The following SLC22A25 variants were observed in gnomAD, a reference collection of about 807,000 sequenced individuals.
SLC22A25 encodes the protein MGI:2442751, MGI:2385316, MGI:3042283, MGI:3645714, MGI:3605624, MGI:2442750.
In SLC22A25, 44 loss-of-function variants were observed where a neutral mutation model predicts 45.9. That is an observed-to-expected ratio of 0.96 (90% CI 0.75 to 1.23). The LOEUF (loss-of-function observed/expected upper bound fraction) is 1.23, where lower values mean the gene tolerates loss of function less well. SLC22A25 is among the 50% of genes most tolerant of loss of function. SLC22A25 has a pLI of 0.00. For missense variants in SLC22A25, 800 were observed against 666.4 expected, an observed-to-expected ratio of 1.20 and a Z score of -2.21; for synonymous variants, 283 against 238.6, an observed-to-expected ratio of 1.19 and a Z score of -1.72.
Position 63,159,453 on chromosome 11 carries a change from G to GTTTCCCTGCAGAAATTCTCT in SLC22A25, c.*4351_*4370dup, listed in dbSNP as rs2087518162. The stretch of plus-strand genomic sequence containing the variant: ...AGATCTGAGGGTTTTATAAGGGGGA[G>GTTTCCCTGCAGAAATTCTCT]TTTCCCTGCAGAAATTCTCTTTTCC... On this transcript the variant is annotated 3_prime_UTR_variant, in exon 12 of 12. Coordinates refer to ENST00000306494, the MANE Select transcript of SLC22A25 (RefSeq NM_199352.6). Among the ~76,000 whole-genome samples the GTTTCCCTGCAGAAATTCTCT allele has an allele frequency of 6.6e-6, 1 of 152,078 alleles. No homozygotes were observed. The highest frequency in any genetic ancestry group is 1.5e-5 in the Non-Finnish European group (1 of 68,030).
chr11:63,229,004 T>C (rs181090339), intron 4 of SLC22A25, among the ~76,000 whole-genome samples: 1 of 152,244 alleles, frequency 6.6e-6, no homozygotes, highest in Admixed American at 6.5e-5. Context: ...TATTCATAAA[T>C]GCTTGCTTAA....
intron 8 of SLC22A25, among the ~76,000 whole-genome samples, chr11:63,182,240 AG>A (rs1167979574): frequency 2.0e-5 from 3 of 152,132 alleles, no homozygotes; most frequent in Non-Finnish European, 4.4e-5. Flanking sequence ...CTGGGTGCTG[AG>A]GGGACAGTCA....
intron 9 of SLC22A25, among the ~76,000 whole-genome samples, chr11:63,173,348 ATGTT>A (rs2087961519): frequency 6.6e-6 from 1 of 152,216 alleles, no homozygotes. Flanking sequence ...ACAAACCTGT[ATGTT>A]CTGCACATGT....
rs1382519595 is a variant in SLC22A25, at chr11:63,217,418, A to G, written c.726T>C (p.Ser242=). 6.2e-7 allele frequency: 1 copy of G among 1,614,088 alleles called. No homozygotes were observed. The highest frequency in any genetic ancestry group is 8.5e-7 in the Non-Finnish European group (1 of 1,180,006). ...GGCTTCCCAGGGTTATATGTCCAAT[A>G]CTAGCAGCACAAAGTGTCAATGTCA... ...MALTLTLCAA[S]IGHITLGSLA... Residue 242 remains serine (S), a synonymous_variant, in exon 7 of 12, where the codon AGT becomes AGC. Transcript: ENST00000306494.
chr11:63,195,948 A>C (rs2089010924), intron 7 of SLC22A25, among the ~76,000 whole-genome samples: 1 of 152,204 alleles, frequency 6.6e-6, no homozygotes, highest in Admixed American at 6.5e-5. Flanking sequence ...AGAAATACAA[A>C]CTACCATCAG....
At chr11:63,217,016 T>A (rs1420007382) in intron 7 of SLC22A25, among the ~76,000 whole-genome samples, 1 of 152,220 alleles carries the variant, frequency 6.6e-6, no homozygotes, top group Admixed American at 6.5e-5. Context: ...ATACTGAATA[T>A]TTGGGTGAAA....
chr11:63,181,381 A>T, intron 8 of SLC22A25, among the ~76,000 whole-genome samples: 1 of 146,806 alleles, frequency 6.8e-6, no homozygotes, highest in Non-Finnish European at 1.5e-5. Context: ...TCCTAATGCT[A>T]TCCTTCCCCC....
At chr11:63,206,996 T>C (rs528806124) in intron 7 of SLC22A25, among the ~76,000 whole-genome samples, 1 of 152,158 alleles carries the variant, frequency 6.6e-6, no homozygotes, top group Non-Finnish European at 1.5e-5. Flanking sequence ...AACCATCTGA[T>C]CTTTGATAAA....
chr11:63,234,428 A>C (rs2090127349), intron 3 of SLC22A25, among the ~76,000 whole-genome samples: 1 of 152,044 alleles, frequency 6.6e-6, no homozygotes, highest in African/African-American at 2.4e-5. Flanking sequence ...TGTTGGTTTA[A>C]AGTCTGTTTT....
chr11:63,240,530 C>A (rs1328882306), intron 1 of SLC22A25, among the ~76,000 whole-genome samples: 1 of 152,056 alleles, frequency 6.6e-6, no homozygotes, highest in African/African-American at 2.4e-5. Flanking sequence ...ACTTTATAAA[C>A]TTTTTAGTTT....
rs149030775 is a variant in SLC22A25 at position 63,231,403 on chromosome 11, G to A, written c.-444-1307C>T. On this transcript the variant is annotated intron_variant, in intron 3 of 11. Transcript: ENST00000306494. ...GATTTGCATTTCTCTGATGGCCAGT[G>A]GTGATGAGCATTTTTTCATGTGTCT... Among the ~76,000 whole-genome samples the A allele has an allele frequency of 6.0e-3, 918 of 152,290 alleles. 12 individuals carry two copies. The highest frequency in any genetic ancestry group is 0.02 in the African/African-American group (839 of 41,552).
At chr11:63,200,002 A>G (rs1432973329) in intron 7 of SLC22A25, among the ~76,000 whole-genome samples, 1 of 151,944 alleles carries the variant, frequency 6.6e-6, no homozygotes, top group Non-Finnish European at 1.5e-5. Context: ...TGGACAAGTG[A>G]GTTTGTTTCT....
chr11:63,227,307 C>T (rs1157109340), intron 5 of SLC22A25, among the ~76,000 whole-genome samples: 2 of 152,106 alleles, frequency 1.3e-5, no homozygotes, highest in Non-Finnish European at 2.9e-5. Flanking sequence ...ACATGTATTA[C>T]CTGGTTACCA....
At chr11:63,202,934 T>C (rs772548472) in intron 7 of SLC22A25, among the ~76,000 whole-genome samples, 42 of 152,200 alleles carry the variant, frequency 2.8e-4, no homozygotes, top group Admixed American at 5.9e-4. Flanking sequence ...CAGGTGCCCC[T>C]CTGGGATGAA....
chr11:63,233,041 T>C (rs1050078584), intron 3 of SLC22A25, among the ~76,000 whole-genome samples: 1 of 152,140 alleles, frequency 6.6e-6, no homozygotes, highest in Non-Finnish European at 1.5e-5. Flanking sequence ...TTTGCCAGTA[T>C]TTTATTGAGG....
At chr11:63,208,515 G>A (rs11822690) in intron 7 of SLC22A25, among the ~76,000 whole-genome samples, 18,686 of 152,142 alleles carry the variant, frequency 0.12, 2,122 homozygotes, top group African/African-American at 0.3. Context: ...CCCGGGACAC[G>A]AGAGAGGCTC....
At chr11:63,210,310 C>G (rs1217743835) in intron 7 of SLC22A25, among the ~76,000 whole-genome samples, 1 of 152,116 alleles carries the variant, frequency 6.6e-6, no homozygotes, top group African/African-American at 2.4e-5. Context: ...GAAATAGAAA[C>G]AAAGAGACAG....
chr11:63,186,432 T>C (rs917637730), intron 7 of SLC22A25, among the ~76,000 whole-genome samples: 2 of 151,276 alleles, frequency 1.3e-5, no homozygotes, highest in Non-Finnish European at 3.0e-5. Context: ...TCATTGTAGA[T>C]TCTGGATATT....
chr11:63,226,489 A>G (rs2089964431), intron 5 of SLC22A25, among the ~76,000 whole-genome samples: 3 of 152,166 alleles, frequency 2.0e-5, no homozygotes, highest in African/African-American at 4.8e-5. Flanking sequence ...TTTTCTCCCA[A>G]ACAAATGGAG....
Sources: gnomAD v4.1 joint callset for allele counts (sites outside exome capture counted in the v4.1 genomes callset) on GRCh38, gnomAD v4.1.1 for gene constraint, MANE v1.5 for transcripts, NCBI Gene and HGNC (gene_info 2026-07-23, HGNC 2026-07-21) for gene names.